AFG2A: variants seen among roughly 807,000 people sequenced by gnomAD.
The protein encoded by AFG2A is AAA ATPase AFG2A.
At chr4:123,085,019 T>G in the AFG2A span, among the ~76,000 whole-genome samples, 1 of 135,612 alleles carries the variant, frequency 7.4e-6, no homozygotes. Flanking sequence ...ATTTTGGAAT[T>G]TTTTTTTTTT....
At chr4:123,260,810 C>G in the AFG2A span, among the ~76,000 whole-genome samples, 1 of 152,174 alleles carries the variant, frequency 6.6e-6, no homozygotes, top group African/African-American at 2.4e-5. Context: ...GTGTACTTGT[C>G]TCCAAAGTGA....
chr4:123,271,658 T>C, the AFG2A span, among the ~76,000 whole-genome samples: 2 of 152,206 alleles, frequency 1.3e-5, no homozygotes, highest in Non-Finnish European at 2.9e-5. Context: ...GGGTTAAGTT[T>C]TCCTCTTGTT....
the AFG2A span, chr4:122,937,998 A>C: frequency 1.1e-6 from 1 of 944,630 alleles, no homozygotes. Flanking sequence ...GCTTAACATT[A>C]TAATATCTTT....
chr4:122,960,419 TA>T, the AFG2A span, among the ~76,000 whole-genome samples: 2 of 152,218 alleles, frequency 1.3e-5, no homozygotes, highest in Non-Finnish European at 2.9e-5. Flanking sequence ...GGATTTATTA[TA>T]AACTTATCCT....
At chr4:122,979,070 C>T in the AFG2A span, among the ~76,000 whole-genome samples, 3 of 152,238 alleles carry the variant, frequency 2.0e-5, no homozygotes, top group Non-Finnish European at 4.4e-5. Context: ...TGCCTGTTCC[C>T]AGCTCCCACT....
At chr4:122,944,071 T>G in the AFG2A span, among the ~76,000 whole-genome samples, 1 of 152,240 alleles carries the variant, frequency 6.6e-6, no homozygotes. Flanking sequence ...TCTTAACATT[T>G]TTTCCTTCAT....
chr4:123,074,172 C>A, the AFG2A span, among the ~76,000 whole-genome samples: 1 of 137,166 alleles, frequency 7.3e-6, no homozygotes, highest in African/African-American at 2.7e-5. Flanking sequence ...TGGCTCACTG[C>A]AGCCTCCACC....
chr4:123,294,346 A>T, the AFG2A span, among the ~76,000 whole-genome samples: 2 of 152,354 alleles, frequency 1.3e-5, no homozygotes, highest in African/African-American at 2.4e-5. Context: ...TGCTGGGCAC[A>T]TGAACAGTCT....
At chr4:122,957,787 A>G in the AFG2A span, among the ~76,000 whole-genome samples, 1 of 152,198 alleles carries the variant, frequency 6.6e-6, no homozygotes, top group Admixed American at 6.5e-5. Context: ...GCAAGCAGTC[A>G]CAATCATTAC....
At chr4:123,098,670 A>G in the AFG2A span, among the ~76,000 whole-genome samples, 4 of 151,984 alleles carry the variant, frequency 2.6e-5, no homozygotes, top group Admixed American at 1.3e-4. Context: ...CTCCAGGTTG[A>G]TCCATATTGT....
chr4:123,151,390 C>T, the AFG2A span, among the ~76,000 whole-genome samples: 1 of 152,046 alleles, frequency 6.6e-6, no homozygotes, highest in Non-Finnish European at 1.5e-5. Context: ...GCCTAATATC[C>T]AGAATCTACA....
chr4:123,287,897 A>G, the AFG2A span, among the ~76,000 whole-genome samples: 1 of 152,272 alleles, frequency 6.6e-6, no homozygotes, highest in Non-Finnish European at 1.5e-5. Flanking sequence ...GTGAACTGCA[A>G]TTATCCAAAG....
the AFG2A span, among the ~76,000 whole-genome samples, chr4:123,233,266 T>TACAC: frequency 6.7e-6 from 1 of 149,676 alleles, no homozygotes; most frequent in Non-Finnish European, 1.5e-5. Context: ...AAAAATTATG[T>TACAC]ACACACACAC....
chr4:123,001,095 G>A, the AFG2A span, among the ~76,000 whole-genome samples: 1 of 142,606 alleles, frequency 7.0e-6, no homozygotes, highest in Non-Finnish European at 1.5e-5. Flanking sequence ...TTTGCGTAGA[G>A]GTGTTTGTAG....
At chr4:122,955,984 G>A in the AFG2A span, among the ~76,000 whole-genome samples, 1 of 152,130 alleles carries the variant, frequency 6.6e-6, no homozygotes, top group Non-Finnish European at 1.5e-5. Flanking sequence ...TGGTAATGAA[G>A]AGTCTGGATT....
At chr4:123,128,452 T>TA in the AFG2A span, among the ~76,000 whole-genome samples, 5 of 152,232 alleles carry the variant, frequency 3.3e-5, 1 homozygote, top group African/African-American at 9.6e-5. Flanking sequence ...TCTACAGGCT[T>TA]AAAAAAATGC....
At chr4:123,319,092 T>C in the AFG2A span, 1 of 152,334 alleles carries the variant, frequency 6.6e-6, no homozygotes, top group East Asian at 1.9e-4. Flanking sequence ...GAAACTACCC[T>C]AACTTATCTC....
At chr4:123,144,045 G>A in the AFG2A span, among the ~76,000 whole-genome samples, 2 of 152,008 alleles carry the variant, frequency 1.3e-5, no homozygotes, top group Middle Eastern at 3.2e-3. Context: ...TATTTCCACA[G>A]ATGTTGAGTG....
the AFG2A span, among the ~76,000 whole-genome samples, chr4:123,066,004 G>C: frequency 6.6e-6 from 1 of 152,126 alleles, no homozygotes; most frequent in African/African-American, 2.4e-5. Context: ...AAAGCTGACT[G>C]GTATCTTCTG....
Sources: gnomAD v4.1 joint callset for allele counts (sites outside exome capture counted in the v4.1 genomes callset) on GRCh38, gnomAD v4.1.1 for gene constraint, MANE v1.5 for transcripts, NCBI Gene and HGNC (gene_info 2026-07-23, HGNC 2026-07-21) for gene names.